The following ARHGAP42 variants were observed in gnomAD, a reference collection of about 807,000 sequenced individuals.
ARHGAP42 encodes Rho GTPase activating protein 42.
A neutral mutation model predicts 125.0 loss-of-function variants in ARHGAP42; 63 were observed. That is an observed-to-expected ratio of 0.50 (90% CI 0.41 to 0.62). The LOEUF (loss-of-function observed/expected upper bound fraction) is 0.62. ARHGAP42 is among the 20% of genes least tolerant of loss of function. The pLI, the probability that ARHGAP42 is intolerant of heterozygous loss-of-function variation, is 0.00. For missense variants in ARHGAP42, 766 were observed against 1,024.2 expected (o/e 0.75, Z 3.44); for synonymous variants, 339 against 351.0 (o/e 0.97, Z 0.38).
intron 1 of ARHGAP42, among the ~76,000 whole-genome samples, chr11:100,753,097 G>C (rs1862496546): frequency 1.3e-5 from 2 of 152,150 alleles, no homozygotes; most frequent in Non-Finnish European, 2.9e-5. Flanking sequence ...AGCCAGGTGG[G>C]AGCTGGGTCA....
Position 100,859,378 on chromosome 11 carries a change from T to C in ARHGAP42, c.313-176T>C, listed in dbSNP as rs182933914. ...GTTGTTAGGATCAAGGGAAATAATATGCGAAAACAGCTTAATTATATAGTA... is the reference window on the plus strand; with the variant it reads ...GTTGTTAGGATCAAGGGAAATAATACGCGAAAACAGCTTAATTATATAGTA... On this transcript the variant is annotated intron_variant, in intron 3 of 23. Transcript: ENST00000298815. 1.4e-3 allele frequency: 658 copies of C among 457,560 alleles called. 6 individuals carry two copies. Among genetic ancestry groups the C allele is most frequent in the African/African-American group, 0.012 (593 of 48,968 alleles). The allele number at this position is 457,560 out of a possible 1,614,324, so 28.3% of individuals were successfully genotyped here. A position where few individuals can be genotyped will look rare whatever the true frequency, so the allele number is the denominator to read the frequency against.
intron 1 of ARHGAP42, among the ~76,000 whole-genome samples, chr11:100,713,125 G>A (rs1412744562): frequency 6.6e-6 from 1 of 152,266 alleles, no homozygotes; most frequent in South Asian, 2.1e-4. Context: ...TGTTCTCCTG[G>A]AAAACAGATT....
At chr11:100,909,559 G>T (rs1398534823) in intron 4 of ARHGAP42, among the ~76,000 whole-genome samples, 1 of 152,096 alleles carries the variant, frequency 6.6e-6, no homozygotes, top group Non-Finnish European at 1.5e-5. Flanking sequence ...GGCCATGCTG[G>T]TCTCGAACTC....
chr11:100,912,833 A>G (rs1866961921), intron 4 of ARHGAP42, among the ~76,000 whole-genome samples: 2 of 152,198 alleles, frequency 1.3e-5, no homozygotes, highest in Non-Finnish European at 2.9e-5. Flanking sequence ...TTTATGGTAC[A>G]GAGGTTGTTA....
intron 4 of ARHGAP42, among the ~76,000 whole-genome samples, chr11:100,904,571 C>G (rs1305985428): frequency 1.3e-5 from 2 of 152,090 alleles, no homozygotes; most frequent in African/African-American, 4.8e-5. Context: ...TCCTTAATCT[C>G]TTTCTTTGTT....
chr11:100,961,575 A>T, intron 14 of ARHGAP42, 109 bp from the exon 15 acceptor site: 3 of 892,438 alleles, frequency 3.4e-6, no homozygotes. Flanking sequence ...CATTCTAAGA[A>T]ATGAATACCT....
At chr11:100,924,390 G>A (rs2135248405) in intron 6 of ARHGAP42, among the ~76,000 whole-genome samples, 1 of 152,000 alleles carries the variant, frequency 6.6e-6, no homozygotes, top group African/African-American at 2.4e-5. Flanking sequence ...ATTCTGGCTG[G>A]GCACAGTGGC....
chr11:100,798,773 G>C (rs1863783774), intron 3 of ARHGAP42, among the ~76,000 whole-genome samples: 2 of 152,160 alleles, frequency 1.3e-5, no homozygotes, highest in South Asian at 2.1e-4. Context: ...AGGTATGCCT[G>C]GTTGATATAA....
At chr11:100,969,320 T>A (rs557462848) in intron 17 of ARHGAP42, among the ~76,000 whole-genome samples, 1 of 152,204 alleles carries the variant, frequency 6.6e-6, no homozygotes, top group Non-Finnish European at 1.5e-5. Context: ...TTTACTGTGA[T>A]GTGTCTTGCT....
In ARHGAP42 at chr11:100,779,535, T is replaced by C. The variant is rs976226363; in HGVS notation, c.250+9097T>C. Among the ~76,000 whole-genome samples, 240 of 134,436 alleles carry C rather than the reference T, an allele frequency of 1.8e-3. 3 individuals carry two copies. Among genetic ancestry groups the C allele is most frequent in the East Asian group, 7.2e-3 (35 of 4,834 alleles). The allele number at this position is 134,436 out of a possible 152,430, so 88.2% of individuals were successfully genotyped here. A position where few individuals can be genotyped will look rare whatever the true frequency, so the allele number is the denominator to read the frequency against. ...ATATATATACGTATACATGCGTATA[T>C]ATACGTATATATATACATATACATA... On this transcript the variant is annotated intron_variant, in intron 2 of 23. Transcript: ENST00000298815.
At chr11:100,957,542 ACT>A (rs1238522057) in intron 12 of ARHGAP42, among the ~76,000 whole-genome samples, 25 of 152,178 alleles carry the variant, frequency 1.6e-4, no homozygotes, top group African/African-American at 6.0e-4. Flanking sequence ...CTGTGCACTA[ACT>A]CTGCACCATG....
intron 16 of ARHGAP42, 87 bp downstream of exon 16, chr11:100,962,554 GA>G (rs1173772827): frequency 1.6e-6 from 2 of 1,221,614 alleles, no homozygotes; most frequent in African/African-American, 3.1e-5. Context: ...ATCAGCTAGT[GA>G]AGATTTTTTT....
At chr11:100,903,081 C>T (rs1866597034) in intron 4 of ARHGAP42, among the ~76,000 whole-genome samples, 2 of 140,622 alleles carry the variant, frequency 1.4e-5, no homozygotes, top group African/African-American at 5.2e-5. Flanking sequence ...CCTTGTCTCA[C>T]ATCTCTTTAT....
chr11:100,797,621 G>A (rs948555430), intron 3 of ARHGAP42, among the ~76,000 whole-genome samples: 7 of 151,754 alleles, frequency 4.6e-5, no homozygotes, highest in Non-Finnish European at 1.0e-4. Context: ...AAAAAAGATA[G>A]CATTAAAAAT....
chr11:100,727,255 T>G (rs1407568859), intron 1 of ARHGAP42, among the ~76,000 whole-genome samples: 2 of 152,224 alleles, frequency 1.3e-5, no homozygotes, highest in African/African-American at 2.4e-5. Flanking sequence ...AATTTGCATA[T>G]GTGATATAAT....
chr11:100,914,376 TTTTAAC>T (rs1867007871), intron 5 of ARHGAP42, among the ~76,000 whole-genome samples: 2 of 152,192 alleles, frequency 1.3e-5, no homozygotes, highest in Non-Finnish European at 2.9e-5. Context: ...ATTGGTAGTG[TTTTAAC>T]TATAATTCAT....
At chr11:100,876,538 T>A (rs997970903) in intron 4 of ARHGAP42, among the ~76,000 whole-genome samples, 8 of 152,240 alleles carry the variant, frequency 5.3e-5, no homozygotes, top group Admixed American at 2.0e-4. Flanking sequence ...CATCACGGAT[T>A]TGTCTGTATG....
intron 7 of ARHGAP42, 56 bp downstream of exon 7, chr11:100,933,316 A>C: frequency 7.9e-7 from 1 of 1,262,150 alleles, no homozygotes; most frequent in East Asian, 2.8e-5. Flanking sequence ...CTGATTTCAC[A>C]GGGCAACTAA....
chr11:100,906,553 A>G lies in ARHGAP42; in HGVS notation c.385-6899A>G, dbSNP rs1308687141. ...TTTTCTCATTCATTGTACAGTGTACATATTGGGCCATTTTAATGTGGAAAC... is the reference window on the plus strand; with the variant it reads ...TTTTCTCATTCATTGTACAGTGTACGTATTGGGCCATTTTAATGTGGAAAC... On this transcript the variant is annotated intron_variant, in intron 4 of 23. Transcript: ENST00000298815. Among the ~76,000 whole-genome samples, 12 of 144,982 alleles carry G rather than the reference A, an allele frequency of 8.3e-5. No individual in the cohort carries two copies. In the Admixed American group the frequency reaches 8.7e-4, roughly 10 times the overall value.
Sources: allele counts gnomAD v4.1 joint callset (sites outside exome capture counted in the v4.1 genomes callset), GRCh38; gene constraint gnomAD v4.1.1; transcripts MANE v1.5; gene names NCBI Gene and HGNC (gene_info 2026-07-23, HGNC 2026-07-21).